TGFB2: variants seen among roughly 807,000 people sequenced by gnomAD.
The protein encoded by TGFB2 is transforming growth factor beta 2.
TGFB2 carries 13 observed loss-of-function variants against 42.7 expected under a neutral mutation model. The ratio of observed to expected loss-of-function variants is 0.30; its 90% confidence interval spans 0.20 to 0.48. TGFB2 has a LOEUF of 0.48. Ranked by LOEUF, TGFB2 falls within the 20% of genes least tolerant of loss-of-function variation. The pLI, the probability that TGFB2 is intolerant of heterozygous loss-of-function variation, is 0.99. For synonymous variants in TGFB2, 193 were observed against 193.6 expected, an observed-to-expected ratio of 1.00 and a Z score of 0.03; for missense variants, 390 against 517.5, an observed-to-expected ratio of 0.75 and a Z score of 2.39.
chr1:218,371,446 TG>T (rs1175377607), intron 1 of TGFB2, among the ~76,000 whole-genome samples: 1 of 152,234 alleles, frequency 6.6e-6, no homozygotes, highest in Non-Finnish European at 1.5e-5. Context: ...ACTGCATATT[TG>T]GTTGGTTTTA....
intron 6 of TGFB2, among the ~76,000 whole-genome samples, chr1:218,440,908 T>C (rs112002601): frequency 1.2e-4 from 18 of 150,544 alleles, no homozygotes; most frequent in African/African-American, 4.0e-4. Flanking sequence ...GAGGAAAGAC[T>C]TACTGGAAAA....
At chr1:218,440,539 C>T (rs753987746) in intron 6 of TGFB2, among the ~76,000 whole-genome samples, 2 of 152,212 alleles carry the variant, frequency 1.3e-5, no homozygotes, top group East Asian at 3.9e-4. Context: ...CGTGAGCCAC[C>T]GTGCCCAGCC....
chr1:218,403,086 C>T (rs961878315), intron 1 of TGFB2, among the ~76,000 whole-genome samples: 1 of 152,182 alleles, frequency 6.6e-6, no homozygotes, highest in Non-Finnish European at 1.5e-5. Flanking sequence ...CTGCGTGCAC[C>T]AGTGCCCCCT....
intron 6 of TGFB2, among the ~76,000 whole-genome samples, chr1:218,437,749 A>T (rs1158403774): frequency 1.3e-5 from 2 of 152,230 alleles, no homozygotes. Flanking sequence ...AGTGACACTG[A>T]TCGGTTACAA....
At chr1:218,414,897 G>A (rs1659223736) in intron 2 of TGFB2, among the ~76,000 whole-genome samples, 1 of 152,190 alleles carries the variant, frequency 6.6e-6, no homozygotes, top group Admixed American at 6.5e-5. Flanking sequence ...GCCCAGGCCA[G>A]GCAGGTAGGA....
intron 1 of TGFB2, among the ~76,000 whole-genome samples, chr1:218,397,623 T>G (rs1658568279): frequency 6.6e-6 from 1 of 152,108 alleles, no homozygotes; most frequent in Non-Finnish European, 1.5e-5. Flanking sequence ...CTTTGTAGAT[T>G]TCTTTTCTTC....
intron 2 of TGFB2, among the ~76,000 whole-genome samples, chr1:218,430,903 A>G (rs892196721): frequency 6.6e-6 from 1 of 152,182 alleles, no homozygotes; most frequent in Non-Finnish European, 1.5e-5. Flanking sequence ...AGTTTAGAGA[A>G]AGCAAGCAAG....
intron 2 of TGFB2, 84 bp downstream of exon 2, chr1:218,405,416 G>T (rs775923751): frequency 6.3e-7 from 1 of 1,597,260 alleles, no homozygotes; most frequent in Non-Finnish European, 8.5e-7. Flanking sequence ...ACAGGCTAGA[G>T]TACAGTGGCA....
Position 218,394,338 on chromosome 1 carries a change from G to C in TGFB2, c.347-10831G>C, listed in dbSNP as rs562509703. Among the ~76,000 whole-genome samples, 6 of 152,298 alleles carry C rather than the reference G, an allele frequency of 3.9e-5. No homozygotes were observed. In the South Asian group the frequency reaches 1.0e-3, roughly 26 times the overall value. On this transcript the variant is annotated intron_variant, in intron 1 of 6. Coordinates refer to ENST00000366930, the MANE Select transcript of TGFB2 (RefSeq NM_003238.6). ...GCCTGATGAGGAATGTAGAGGAACT[G>C]AAGTGAAATAGGTGTCTCCGTGTAG...
chr1:218,397,338 C>T (rs1164499018), intron 1 of TGFB2, among the ~76,000 whole-genome samples: 6 of 150,270 alleles, frequency 4.0e-5, no homozygotes, highest in African/African-American at 7.4e-5. Flanking sequence ...CTAAGGCAGG[C>T]GGATCACGAG....
intron 1 of TGFB2, among the ~76,000 whole-genome samples, chr1:218,379,946 A>G (rs1270770001): frequency 6.6e-6 from 1 of 152,240 alleles, no homozygotes; most frequent in Non-Finnish European, 1.5e-5. Context: ...AACAATAACA[A>G]CAATAATAAT....
At position 218,395,646 on chromosome 1, in the gene TGFB2, C is replaced by T. The variant is rs1187838531; in HGVS notation, c.347-9523C>T. Among the ~76,000 whole-genome samples the T allele has an allele frequency of 5.5e-5, 8 of 145,436 alleles. No individual in the cohort carries two copies. The East Asian group carries it at 1.6e-3, about 29-fold the overall frequency. On this transcript the variant is annotated intron_variant, in intron 1 of 6. Coordinates refer to ENST00000366930, the MANE Select transcript of TGFB2 (RefSeq NM_003238.6). ...TTTTTTGTTGAGATGGAGTCTCGCT[C>T]TGTCGCCCAGGCTGGAGTGCAGTGG...
intron 2 of TGFB2, among the ~76,000 whole-genome samples, chr1:218,421,876 A>C (rs186614349): frequency 6.6e-6 from 1 of 152,174 alleles, no homozygotes; most frequent in Non-Finnish European, 1.5e-5. Flanking sequence ...AAGCTATGCA[A>C]CTATAGCCAA....
intron 6 of TGFB2, 116 bp downstream of exon 6, chr1:218,437,612 G>A (rs1660014500): frequency 1.0e-5 from 11 of 1,102,818 alleles, no homozygotes; most frequent in Non-Finnish European, 1.2e-5. Context: ...CACATGTATG[G>A]GTACTGGAGA....
chr1:218,431,992 T>A (rs1659822288), intron 2 of TGFB2, among the ~76,000 whole-genome samples: 1 of 152,212 alleles, frequency 6.6e-6, no homozygotes, highest in Non-Finnish European at 1.5e-5. Flanking sequence ...CTATCTTATA[T>A]TTTCATCTTG....
chr1:218,434,582 A>G, intron 4 of TGFB2, 134 bp downstream of exon 4: 1 of 628,954 alleles, frequency 1.6e-6, no homozygotes, highest in Non-Finnish European at 2.8e-6. Context: ...GGACAGTGAT[A>G]TGGTTGGATA....
chr1:218,378,958 A>G (rs1657852271), intron 1 of TGFB2, among the ~76,000 whole-genome samples: 1 of 151,986 alleles, frequency 6.6e-6, no homozygotes, highest in South Asian at 2.1e-4. Context: ...CCTCCTGAGC[A>G]GCACCTTCTC....
At chr1:218,379,126 C>CTTTTTTTTTT (rs748882381) in intron 1 of TGFB2, among the ~76,000 whole-genome samples, 74 of 143,736 alleles carry the variant, frequency 5.1e-4, no homozygotes, top group Non-Finnish European at 6.8e-4. Context: ...TTCTTTCTTT[C>CTTTTTTTTTT]TTTCTTTTTT....
chr1:218,356,865 G>C (rs929988126), intron 1 of TGFB2, among the ~76,000 whole-genome samples: 1 of 152,180 alleles, frequency 6.6e-6, no homozygotes, highest in East Asian at 1.9e-4. Flanking sequence ...TAGCCTTCAG[G>C]CAATTCATTT....
Sources: gnomAD v4.1 joint callset for allele counts (sites outside exome capture counted in the v4.1 genomes callset) on GRCh38, gnomAD v4.1.1 for gene constraint, MANE v1.5 for transcripts, NCBI Gene and HGNC (gene_info 2026-07-23, HGNC 2026-07-21) for gene names.